The following PRUNE2 variants were observed in gnomAD, a reference collection of about 807,000 sequenced individuals.
PRUNE2 encodes the protein protein prune homolog 2.
In PRUNE2, 164 loss-of-function variants were observed where a neutral mutation model predicts 252.0. The ratio of observed to expected loss-of-function variants is 0.65; its 90% confidence interval spans 0.57 to 0.74. PRUNE2 has a LOEUF of 0.74. Among genes scored for constraint, PRUNE2 ranks in the 30% least tolerant of loss-of-function variants. The pLI is 0.00. For missense variants in PRUNE2, 3,495 were observed against 3,711.0 expected (o/e 0.94, Z 1.51); for synonymous variants, 1,292 against 1,350.2 (o/e 0.96, Z 0.94).
intron 6 of PRUNE2, among the ~76,000 whole-genome samples, chr9:76,822,530 G>A (rs190983213): frequency 5.8e-4 from 88 of 152,292 alleles, no homozygotes; most frequent in Middle Eastern, 3.4e-3. Flanking sequence ...AGAATAGGTC[G>A]GGTGTGGTGG....
At position 76,711,220 on chromosome 9, in the gene PRUNE2, C is replaced by A. The variant is rs747923010; in HGVS notation, c.1054G>T (p.Val352Phe). The A allele has an allele frequency of 6.2e-7, 1 of 1,613,936 alleles. No homozygotes were observed. Among genetic ancestry groups the A allele is most frequent in the Non-Finnish European group, 8.5e-7 (1 of 1,179,880 alleles). ...ATCTCTGGACACCTCCTGTTGATGA[C>A]TTCCTTGACAACGAGAACCACCTGA... ...CDQVVLVVKE[V>F]INRRCPEMVS... Residue 352 changes from valine to phenylalanine, a missense_variant, in exon 8 of 19, where the codon GTC becomes TTC. Transcript: ENST00000376718.
intron 1 of PRUNE2, among the ~76,000 whole-genome samples, chr9:76,881,910 C>T (rs7020781): frequency 0.077 from 11,632 of 152,020 alleles, 1,424 homozygotes; most frequent in African/African-American, 0.26. Flanking sequence ...TGTGAGCCAC[C>T]GCACCTGGCC....
Position 76,805,072 on chromosome 9 carries a change from C to T in PRUNE2, c.756+18560G>A, listed in dbSNP as rs186390032. The stretch of plus-strand genomic sequence containing the variant: ...ATGATCTTGTGGGACATCTGAGTCT[C>T]AGCCCCCAAAGTTCTCACTTCTGAC... On this transcript the variant is annotated intron_variant, in intron 6 of 18. Coordinates refer to ENST00000376718, the MANE Select transcript of PRUNE2 (RefSeq NM_015225.3). Among the ~76,000 whole-genome samples, 16 of 152,316 alleles carry T rather than the reference C, an allele frequency of 1.1e-4. No homozygotes were observed. In the East Asian group the frequency reaches 3.1e-3, roughly 29 times the overall value.
chr9:76,780,273 A>C (rs965937855), intron 6 of PRUNE2, among the ~76,000 whole-genome samples: 1 of 152,164 alleles, frequency 6.6e-6, no homozygotes, highest in Non-Finnish European at 1.5e-5. Flanking sequence ...GCACTCCCCC[A>C]ACAATTGAGA....
chr9:76,754,738 G>T (rs967043413), intron 6 of PRUNE2, among the ~76,000 whole-genome samples: 1 of 151,938 alleles, frequency 6.6e-6, no homozygotes, highest in Admixed American at 6.6e-5. Context: ...AGGCCAAGGC[G>T]GGTAGATCAC....
In PRUNE2 at chr9:76,707,535, T is replaced by C. The variant is rs1423428222; in HGVS notation, c.4739A>G (p.Asn1580Ser). The change falls in exon 8 of 19, where the codon AAT (asparagine) becomes AGT (serine). Residue 1580 changes from asparagine to serine, a missense_variant. Coordinates refer to ENST00000376718, the MANE Select transcript of PRUNE2 (RefSeq NM_015225.3). ...EENQGNWSEQ[N>S]HQESELITTD... ...GGTAATTAGTTCAGATTCTTGGTGA[T>C]TCTGTTCACTCCAGTTGCCTTGGTT... 22 of 1,613,980 alleles carry C rather than the reference T, an allele frequency of 1.4e-5. No individual in the cohort carries two copies. Among genetic ancestry groups the C allele is most frequent in the Middle Eastern group, 1.6e-4 (1 of 6,062 alleles).
In PRUNE2 at chr9:76,652,516, C is replaced by CG; in HGVS notation, c.8523dup (p.Asp2842ArgfsTer2). On this transcript the variant is annotated frameshift_variant, in exon 11 of 19. Coordinates refer to ENST00000376718, the MANE Select transcript of PRUNE2 (RefSeq NM_015225.3). LOFTEE classifies it high-confidence loss of function. The stretch of plus-strand genomic sequence containing the variant: ...GTGTACTCAAAAGAATCTGCTTCAT[C>CG]GGGGGTATCAAGTTCATCCACATTG... 6.2e-7 allele frequency: 1 copy of CG among 1,613,310 alleles called. No homozygotes were observed. Among genetic ancestry groups the CG allele is most frequent in the Non-Finnish European group, 8.5e-7 (1 of 1,179,424 alleles).
intron 6 of PRUNE2, among the ~76,000 whole-genome samples, chr9:76,815,462 T>C (rs1305080118): frequency 6.6e-6 from 1 of 152,268 alleles, no homozygotes; most frequent in Admixed American, 6.5e-5. Context: ...TCACCGCATA[T>C]TCACATGGCA....
intron 1 of PRUNE2, among the ~76,000 whole-genome samples, chr9:76,902,307 CCTT>C (rs2063227521): frequency 6.6e-6 from 1 of 152,210 alleles, no homozygotes; most frequent in African/African-American, 2.4e-5. Flanking sequence ...TCCCTACACT[CCTT>C]CAACTTCTCT....
At chr9:76,623,098 T>C (rs1218783094) in intron 17 of PRUNE2, among the ~76,000 whole-genome samples, 1 of 152,224 alleles carries the variant, frequency 6.6e-6, no homozygotes, top group Non-Finnish European at 1.5e-5. Flanking sequence ...TGTTAGGACA[T>C]TGTCCAGGCC....
chr9:76,818,982 G>A (rs1359806470), intron 6 of PRUNE2, among the ~76,000 whole-genome samples: 1 of 152,188 alleles, frequency 6.6e-6, no homozygotes, highest in African/African-American at 2.4e-5. Context: ...CAGGCGCCAT[G>A]GCTCATGCCT....
intron 9 of PRUNE2, among the ~76,000 whole-genome samples, chr9:76,681,753 G>A (rs191397280): frequency 6.6e-6 from 1 of 152,248 alleles, no homozygotes; most frequent in East Asian, 1.9e-4. Flanking sequence ...CTATCAGCCT[G>A]TGGAAATAAA....
intron 1 of PRUNE2, among the ~76,000 whole-genome samples, chr9:76,865,847 A>ACACACACACACC (rs1336460062): frequency 2.3e-4 from 34 of 145,394 alleles, no homozygotes; most frequent in African/African-American, 8.7e-4. Context: ...ACACACACAC[A>ACACACACACACC]CCAGAGCATT....
chr9:76,812,155 T>C (rs1377500553), intron 6 of PRUNE2, among the ~76,000 whole-genome samples: 2 of 152,158 alleles, frequency 1.3e-5, no homozygotes, highest in Non-Finnish European at 2.9e-5. Flanking sequence ...GCAAGCTCTG[T>C]GTCTCTAGCC....
At chr9:76,661,951 C>T (rs1453901526) in intron 9 of PRUNE2, among the ~76,000 whole-genome samples, 1 of 151,708 alleles carries the variant, frequency 6.6e-6, no homozygotes, top group East Asian at 1.9e-4. Context: ...ATCACATGTA[C>T]TATATTCTCT....
chr9:76,769,494 CTCG>C (rs35213219), intron 6 of PRUNE2, among the ~76,000 whole-genome samples: 72,068 of 151,686 alleles, frequency 0.48, 17,499 homozygotes, highest in East Asian at 0.66. Flanking sequence ...ACAATCTCGG[CTCG>C]TCGTCGCAAC....
intron 9 of PRUNE2, among the ~76,000 whole-genome samples, chr9:76,688,085 T>C (rs1279634185): frequency 6.6e-6 from 1 of 152,210 alleles, no homozygotes; most frequent in East Asian, 1.9e-4. Context: ...CCTTGGAGCT[T>C]GTCACAGACA....
At chr9:76,802,870 T>A (rs2056657232) in intron 6 of PRUNE2, among the ~76,000 whole-genome samples, 1 of 152,148 alleles carries the variant, frequency 6.6e-6, no homozygotes, top group African/African-American at 2.4e-5. Flanking sequence ...GCCACAAAAC[T>A]CAGCCCTGGA....
chr9:76,793,419 G>A (rs1294372999), intron 6 of PRUNE2, among the ~76,000 whole-genome samples: 1 of 152,172 alleles, frequency 6.6e-6, no homozygotes, highest in Non-Finnish European at 1.5e-5. Context: ...TGAAATCGAT[G>A]TTAGTGAATG....
Sources: allele counts gnomAD v4.1 joint callset (sites outside exome capture counted in the v4.1 genomes callset), GRCh38; gene constraint gnomAD v4.1.1; transcripts MANE v1.5; gene names NCBI Gene and HGNC (gene_info 2026-07-23, HGNC 2026-07-21).